Variants in HDGFL2 observed in about 807,000 individuals in gnomAD.
HDGFL2 encodes the protein hepatoma-derived growth factor-related protein 2.
A neutral mutation model predicts 77.1 loss-of-function variants in HDGFL2; 36 were observed. The observed-to-expected ratio is 0.47, with a 90% CI of 0.36 to 0.62. The LOEUF is 0.62. Ranked by LOEUF, HDGFL2 falls within the 20% of genes least tolerant of loss-of-function variation. The probability of loss-of-function intolerance (pLI) is 0.00; values close to 1 mark genes in which losing one functional copy is unlikely to be tolerated. For synonymous variants in HDGFL2, 463 were observed against 413.1 expected (o/e 1.12, Z -1.46); for missense variants, 976 against 973.4 (o/e 1.00, Z -0.04).
At chr19:4,497,919 C>T (rs947607300) in intron 10 of HDGFL2, 39 bp from the exon 11 acceptor site, 61 of 1,531,450 alleles carry the variant, frequency 4.0e-5, no homozygotes, top group African/African-American at 1.7e-4. Flanking sequence ...GGCAGAGTGC[C>T]GGTGACGGGG....
At chr19:4,482,780 C>T (rs1290159889) in intron 3 of HDGFL2, among the ~76,000 whole-genome samples, 1 of 152,214 alleles carries the variant, frequency 6.6e-6, no homozygotes, top group African/African-American at 2.4e-5. Context: ...TCCTCATCTG[C>T]AGAATCAGGC....
chr19:4,478,490 C>G (rs191822791), intron 3 of HDGFL2, among the ~76,000 whole-genome samples: 26 of 152,068 alleles, frequency 1.7e-4, no homozygotes, highest in African/African-American at 6.3e-4. Flanking sequence ...TGTGAGCCAC[C>G]ACACCCAGCC....
At chr19:4,488,952 C>T (rs1599712522) in intron 4 of HDGFL2, 76 bp downstream of exon 4, 7 of 706,544 alleles carry the variant, frequency 9.9e-6, no homozygotes, top group East Asian at 3.0e-5. Context: ...CTCTCCTGCC[C>T]TTTTTTTTTT....
At chr19:4,477,616 T>C (rs1975105321) in intron 3 of HDGFL2, among the ~76,000 whole-genome samples, 1 of 152,160 alleles carries the variant, frequency 6.6e-6, no homozygotes, top group Non-Finnish European at 1.5e-5. Flanking sequence ...CATTTAATAT[T>C]TATTGGACAC....
intron 3 of HDGFL2, 89 bp downstream of exon 3, chr19:4,475,672 GA>G (rs1480373128): frequency 2.8e-6 from 4 of 1,441,126 alleles, no homozygotes; most frequent in Non-Finnish European, 3.7e-6. Flanking sequence ...GGGCACTGTG[GA>G]CACATGGGGC....
chr19:4,496,164 C>T (rs1449023064), intron 9 of HDGFL2, 138 bp from the exon 10 acceptor site: 1 of 700,356 alleles, frequency 1.4e-6, no homozygotes, highest in African/African-American at 1.8e-5. Flanking sequence ...CCTCCTCTCC[C>T]ATCCTGCCCC....
Position 4,486,914 on chromosome 19 carries a change from TCA to T in HDGFL2, c.289-1759_289-1758del, listed in dbSNP as rs1975376720. 3.3e-5 allele frequency among the ~76,000 whole-genome samples: 5 copies of T among 151,910 alleles called. No homozygotes were observed. The South Asian group carries it at 1.0e-3, about 31-fold the overall frequency. On this transcript the variant is annotated intron_variant, in intron 3 of 15. Coordinates refer to ENST00000616600, the MANE Select transcript of HDGFL2 (RefSeq NM_001001520.3). ...TTCTGACAACTCCTCTGTAAAAATG[TCA>T]CATCCTCCGAGGGGCCTCCTCGATC...
chr19:4,490,694 C>T (rs1975483082), intron 4 of HDGFL2, among the ~76,000 whole-genome samples: 1 of 152,038 alleles, frequency 6.6e-6, no homozygotes, highest in Non-Finnish European at 1.5e-5. Flanking sequence ...AAATGATAAG[C>T]CATATTTATA....
intron 3 of HDGFL2, among the ~76,000 whole-genome samples, chr19:4,484,197 C>A (rs1201219000): frequency 6.6e-6 from 1 of 150,852 alleles, no homozygotes; most frequent in African/African-American, 2.4e-5. Context: ...GATTCTCGTG[C>A]CTCAGCCTCC....
intron 3 of HDGFL2, among the ~76,000 whole-genome samples, chr19:4,484,176 C>G (rs945984491): frequency 2.7e-5 from 4 of 150,666 alleles, no homozygotes; most frequent in Non-Finnish European, 3.0e-5. Flanking sequence ...CTCTGCCTCC[C>G]AGGTTCAAGT....
chr19:4,478,366 C>A (rs550565136), intron 3 of HDGFL2, among the ~76,000 whole-genome samples: 18 of 151,902 alleles, frequency 1.2e-4, no homozygotes, highest in African/African-American at 3.9e-4. Flanking sequence ...CCATGCCTGG[C>A]TAATTTTGTA....
intron 13 of HDGFL2, 146 bp from the exon 14 acceptor site, chr19:4,499,345 C>CA (rs371672305): frequency 0.41 from 236,732 of 573,654 alleles, 18,457 homozygotes; most frequent in Admixed American, 0.47. Context: ...GACTCTGTCT[C>CA]AAAAAAAAAA....
Position 4,491,590 on chromosome 19 carries a change from A to G in HDGFL2, c.514A>G (p.Lys172Glu). The change falls in exon 5 of 16, where the codon AAG (lysine) becomes GAG (glutamate). Residue 172 changes from lysine (K) to glutamate (E), a missense_variant. Around this residue, in one of 5 missense-constraint regions of HDGFL2, gnomAD observed 567 missense variants for 534.7 expected, o/e 1.06. Coordinates refer to ENST00000616600, the MANE Select transcript of HDGFL2 (RefSeq NM_001001520.3). ...LKMSVSKRAR[K>E]ASSDLDQASV... ...GATGTCGGTCTCGAAACGAGCCCGAAAGGCCTCCAGCGACCTGGATCAGGC... is the reference window on the plus strand; with the variant it reads ...GATGTCGGTCTCGAAACGAGCCCGAGAGGCCTCCAGCGACCTGGATCAGGC... The G allele has an allele frequency of 6.2e-7, 1 of 1,613,812 alleles. No homozygotes were observed. The highest frequency in any genetic ancestry group is 1.1e-5 in the South Asian group (1 of 91,074).
chr19:4,489,343 A>G (rs1975448755), intron 4 of HDGFL2, among the ~76,000 whole-genome samples: 1 of 147,032 alleles, frequency 6.8e-6, no homozygotes, highest in South Asian at 2.1e-4. Flanking sequence ...ACCCTCTGCC[A>G]CTGGGTTCCA....
At chr19:4,498,202 G>T (rs1975759951) in intron 11 of HDGFL2, 104 bp from the exon 12 acceptor site, 1 of 1,256,928 alleles carries the variant, frequency 8.0e-7, no homozygotes, top group South Asian at 1.3e-5. Flanking sequence ...CAGACCTGGG[G>T]CCCCCATGAC....
At chr19:4,501,802 C>T (rs1228026825) in intron 15 of HDGFL2, 109 bp from the exon 16 acceptor site, 1 of 748,626 alleles carries the variant, frequency 1.3e-6, no homozygotes, top group Non-Finnish European at 2.0e-6. Flanking sequence ...ACTCGAGCCT[C>T]AGGTGCCACA....
At chr19:4,501,100 C>G in intron 14 of HDGFL2, 91 bp from the exon 15 acceptor site, 1 of 1,543,458 alleles carries the variant, frequency 6.5e-7, no homozygotes, top group Non-Finnish European at 8.8e-7. Flanking sequence ...CGGCGCTCAG[C>G]TTGGCCCCTG....
rs752322865 is a variant in HDGFL2 at position 4,494,023 on chromosome 19, C to G, written c.880C>G (p.Pro294Ala). The change falls in exon 8 of 16, where the codon CCT (proline) becomes GCT (alanine). Residue 294 changes from proline (P) to alanine (A), a missense_variant. This residue lies in a region of HDGFL2 where 567 missense variants were observed against 534.7 expected (regional missense o/e 1.06). Coordinates refer to ENST00000616600, the MANE Select transcript of HDGFL2 (RefSeq NM_001001520.3). ...GAAGCCGCGAGGGCGGAAACCGAAG[C>G]CTGAACGGCCTCCGTCCAGCTCCAG... ...LPKPRGRKPKPERPPSSSSSD... is the reference protein window; with the variant it reads ...LPKPRGRKPKAERPPSSSSSD... 3.7e-6 allele frequency: 6 copies of G among 1,611,500 alleles called. No individual in the cohort carries two copies. The highest frequency in any genetic ancestry group is 5.1e-6 in the Non-Finnish European group (6 of 1,179,310).
chr19:4,498,157 G>A (rs919798), intron 11 of HDGFL2, 126 bp downstream of exon 11: 600,220 of 1,163,372 alleles, frequency 0.52, 159,469 homozygotes, highest in Admixed American at 0.56. Flanking sequence ...GGCCGGCCTG[G>A]CCGGCGGTGC....
Sources: gnomAD v4.1 joint callset for allele counts (sites outside exome capture counted in the v4.1 genomes callset) on GRCh38, gnomAD v4.1.1 for gene constraint, gnomAD v4.1.1 regional missense constraint, MANE v1.5 for transcripts, NCBI Gene and HGNC (gene_info 2026-07-23, HGNC 2026-07-21) for gene names.